Variants in KCNAB2 observed in about 807,000 individuals in gnomAD.
The protein encoded by KCNAB2 is voltage-gated potassium channel subunit beta-2.
In KCNAB2, 29 loss-of-function variants were observed where a neutral mutation model predicts 63.6. The observed-to-expected ratio is 0.46, with a 90% CI of 0.34 to 0.62. The LOEUF is 0.62. Ranked by LOEUF, KCNAB2 falls within the 20% of genes least tolerant of loss-of-function variation. The probability of loss-of-function intolerance (pLI) is 0.01; values close to 1 mark genes in which losing one functional copy is unlikely to be tolerated. For missense variants in KCNAB2, 359 were observed against 563.9 expected (o/e 0.64, Z 3.68); for synonymous variants, 222 against 224.2 (o/e 0.99, Z 0.09).
At chr1:6,052,686 A>G (rs1661494906) in intron 2 of KCNAB2, among the ~76,000 whole-genome samples, 1 of 152,176 alleles carries the variant, frequency 6.6e-6, no homozygotes, top group Admixed American at 6.5e-5. Flanking sequence ...TGACAGCTTT[A>G]TCTTCTGTGC....
rs79747699 is a variant in KCNAB2, at chr1:6,006,578, C to T, written c.-53+13790C>T. Among the ~76,000 whole-genome samples the T allele has an allele frequency of 7.6e-3, 5 of 658 alleles. 1 individual carries two copies. Among genetic ancestry groups the T allele is most frequent in the African/African-American group, 0.02 (5 of 248 alleles). The allele number at this position is 658 out of a possible 152,430, so 0.4% of individuals were successfully genotyped here. A position where few individuals can be genotyped will look rare whatever the true frequency, so the allele number is the denominator to read the frequency against. On this transcript the variant is annotated intron_variant, in intron 1 of 16. Transcript: ENST00000341524. ...CTACCCCTCAGCTCAGCTCCCACAT[C>T]CCCCCACTTCACCCTCACCCCTCAG... is the stretch of plus-strand genomic sequence containing the variant.
chr1:6,025,921 TCCCGGCACACAGCCGATCCCGGCACACA>T (rs1659135534), intron 1 of KCNAB2: 3 of 136,890 alleles, frequency 2.2e-5, no homozygotes, highest in Non-Finnish European at 5.1e-5. Context: ...ACACAGCCGA[TCCCGGCACACAGCCGATCCCGGCACACA>T]GCCGATCCCG....
chr1:6,009,366 G>A (rs757180176), intron 1 of KCNAB2, among the ~76,000 whole-genome samples: 3 of 152,248 alleles, frequency 2.0e-5, no homozygotes, highest in East Asian at 3.9e-4. Context: ...GCTGGCTAAC[G>A]GGTGGAGGGG....
intron 1 of KCNAB2, among the ~76,000 whole-genome samples, chr1:6,000,721 A>G (rs1314515604): frequency 6.6e-6 from 1 of 152,010 alleles, no homozygotes; most frequent in East Asian, 1.9e-4. Flanking sequence ...TGAAGCCTAT[A>G]GGCCGTTGGA....
At chr1:6,011,386 CT>C (rs1352338210) in intron 1 of KCNAB2, among the ~76,000 whole-genome samples, 2 of 148,390 alleles carry the variant, frequency 1.3e-5, no homozygotes, top group African/African-American at 5.0e-5. Flanking sequence ...AGGCAGGCAG[CT>C]GTGCCCAGGG....
At chr1:6,043,195 G>A (rs113752216), upstream of KCNAB2, among the ~76,000 whole-genome samples, 549 of 152,282 alleles carry the variant, frequency 3.6e-3, 3 homozygotes, top group Middle Eastern at 0.017. Context: ...AGAGCCGGGA[G>A]CAGCCTCAGT....
intron 1 of KCNAB2, among the ~76,000 whole-genome samples, chr1:5,998,748 G>A (rs971639111): frequency 5.9e-5 from 9 of 152,190 alleles, no homozygotes; most frequent in African/African-American, 2.2e-4. Context: ...GCGAGGGGGC[G>A]CAGGACCCCA....
At chr1:6,098,450 G>T (rs773190212) in intron 15 of KCNAB2, 35 bp from the exon 16 acceptor site, 8 of 1,612,484 alleles carry the variant, frequency 5.0e-6, no homozygotes, top group Non-Finnish European at 6.8e-6. Flanking sequence ...CGTCTTGTTG[G>T]TGGGATTCTG....
At chr1:6,045,116 C>T (rs901627432), upstream of KCNAB2, among the ~76,000 whole-genome samples, 2 of 152,196 alleles carry the variant, frequency 1.3e-5, no homozygotes, top group East Asian at 1.9e-4. This position sits in a 1 kb window ranked among gnomAD's most constrained non-coding sequence, Gnocchi z 4.8. Context: ...TCTACGTGCT[C>T]TCCCAGCCTC....
intron 2 of KCNAB2, among the ~76,000 whole-genome samples, chr1:6,053,378 G>C (rs1400191440): frequency 6.6e-6 from 1 of 152,202 alleles, no homozygotes; most frequent in African/African-American, 2.4e-5. Flanking sequence ...GCCATGGCCT[G>C]GGGGTGTGGG....
chr1:6,035,521 G>A lies in KCNAB2; in HGVS notation c.-53+727G>A, dbSNP rs1465840997. On this transcript the variant is annotated intron_variant, in intron 1 of 15. Transcript: ENST00000164247. This position sits in a 1 kb window ranked among gnomAD's most constrained non-coding sequence, Gnocchi z 5.0. Reference sequence around the variant, plus strand: ...CCCCTGGCCCAGGGATGGATTGGATGTGGGAGGCGGGACGTGGGAGGAAGG... The same window carrying A: ...CCCCTGGCCCAGGGATGGATTGGATATGGGAGGCGGGACGTGGGAGGAAGG... Among the ~76,000 whole-genome samples, 1 of 152,064 alleles carries A rather than the reference G, an allele frequency of 6.6e-6. No homozygotes were observed. The highest frequency in any genetic ancestry group is 1.5e-5 in the Non-Finnish European group (1 of 67,990).
intron 1 of KCNAB2, among the ~76,000 whole-genome samples, chr1:6,005,016 AGGGTGG>A (rs1657501286): frequency 1.2e-5 from 1 of 82,286 alleles, no homozygotes; most frequent in African/African-American, 4.5e-5. Context: ...CTAAGGGGTG[AGGGTGG>A]AGTAGGGGGA....
chr1:6,073,840 G>C lies in KCNAB2; in HGVS notation c.300+70G>C. The C allele has an allele frequency of 2.7e-6, 4 of 1,499,666 alleles. No individual in the cohort carries two copies. The highest frequency in any genetic ancestry group is 1.1e-5 in the South Asian group (1 of 88,846). 92.9% of individuals were successfully genotyped at this position (1,499,666 alleles called of 1,614,324 possible). On this transcript the variant is annotated intron_variant, in intron 4 of 15. Transcript: ENST00000378083. The surrounding 1 kb of genome is among the most constrained non-coding windows in gnomAD (Gnocchi z 5.7). ...GCCAGAGCACATGGTTAAGTCTGCC[G>C]CGTGGACCAGTGAGCACGTGCTCCC...
chr1:6,001,477 C>T (rs1184419150), intron 1 of KCNAB2, among the ~76,000 whole-genome samples: 3 of 152,170 alleles, frequency 2.0e-5, no homozygotes, highest in African/African-American at 7.2e-5. Context: ...CCTCTAGCAA[C>T]CTGATAATCA....
Position 6,098,987 on chromosome 1 carries a change from G to C in KCNAB2, c.*413G>C. 1 of 165,276 alleles carries C rather than the reference G, an allele frequency of 6.1e-6. No homozygotes were observed. Among genetic ancestry groups the C allele is most frequent in the South Asian group, 1.6e-4 (1 of 6,222 alleles). The allele number at this position is 165,276 out of a possible 1,614,324, so 10.2% of individuals were successfully genotyped here. On this transcript the variant is annotated 3_prime_UTR_variant, in exon 16 of 16. Coordinates refer to ENST00000378083, the MANE Select transcript of KCNAB2 (RefSeq NM_001199862.2). The stretch of plus-strand genomic sequence containing the variant: ...GGGCAGGGCCAGCCTCTCCTCTGCT[G>C]AGAATCCCCACTTGGTGTAGGGGGA...
chr1:6,029,695 AC>A (rs1055975618), upstream of KCNAB2, among the ~76,000 whole-genome samples: 4 of 152,222 alleles, frequency 2.6e-5, no homozygotes, highest in African/African-American at 9.6e-5. Context: ...AGAAACTGAC[AC>A]AGGGAAGGCT....
intron 1 of KCNAB2, among the ~76,000 whole-genome samples, chr1:5,993,978 C>T (rs1250192861): frequency 1.3e-5 from 2 of 152,146 alleles, no homozygotes; most frequent in African/African-American, 4.8e-5. Flanking sequence ...TCCTCCCTTT[C>T]ATTTGTCTGC....
chr1:6,097,687 G>A (rs1665765048), intron 15 of KCNAB2: 4 of 562,578 alleles, frequency 7.1e-6, no homozygotes, highest in Non-Finnish European at 1.3e-5. Flanking sequence ...TTGTTGAGAA[G>A]GTGGTGCTTG....
rs1179199097 is a variant in KCNAB2, at chr1:6,003,992, A to C, written c.-53+11204A>C. On this transcript the variant is annotated intron_variant, in intron 1 of 16. Coordinates refer to the KCNAB2 transcript ENST00000341524. The surrounding 1 kb of genome is among the most constrained non-coding windows in gnomAD (Gnocchi z 4.1). ...CCCTGTCACGTGGTCATGGGACGGTAATCCTCTTTGAAGCCATTTGTTATT... is the reference window on the plus strand; with the variant it reads ...CCCTGTCACGTGGTCATGGGACGGTCATCCTCTTTGAAGCCATTTGTTATT... Among the ~76,000 whole-genome samples the C allele has an allele frequency of 6.6e-6, 1 of 152,170 alleles. No individual in the cohort carries two copies. Among genetic ancestry groups the C allele is most frequent in the Non-Finnish European group, 1.5e-5 (1 of 68,028 alleles).
Sources: gnomAD v4.1 joint callset for allele counts (sites outside exome capture counted in the v4.1 genomes callset) on GRCh38, gnomAD v4.1.1 for gene constraint, Gnocchi (gnomAD v3.1) non-coding constraint, MANE v1.5 for transcripts, NCBI Gene and HGNC (gene_info 2026-07-23, HGNC 2026-07-21) for gene names.